Variants in OSBPL3 observed in about 807,000 individuals in gnomAD.
OSBPL3 encodes oxysterol binding protein like 3.
In OSBPL3, 65 loss-of-function variants were observed where a neutral mutation model predicts 120.1. That is an observed-to-expected ratio of 0.54 (90% CI 0.44 to 0.67). The LOEUF is 0.67. Ranked by LOEUF, OSBPL3 falls within the 30% of genes least tolerant of loss-of-function variation. The pLI, the probability that OSBPL3 is intolerant of heterozygous loss-of-function variation, is 0.00. For missense variants in OSBPL3, 1,004 were observed against 1,082.1 expected (o/e 0.93, Z 1.01); for synonymous variants, 416 against 402.6 (o/e 1.03, Z -0.40).
rs535505627 is a variant in OSBPL3, at chr7:24,967,746, C to T, written c.-150+12140G>A. Among the ~76,000 whole-genome samples the T allele has an allele frequency of 5.3e-5, 8 of 152,258 alleles. No individual in the cohort carries two copies. The South Asian group carries it at 6.2e-4, about 12-fold the overall frequency. On this transcript the variant is annotated intron_variant, in intron 1 of 22. Transcript: ENST00000313367. The surrounding 1 kb of genome is among the most constrained non-coding windows in gnomAD (Gnocchi z 5.6). ...CCCCCTTTCTCTCCTGGGACCTGCC[C>T]CAAAGGTTCTATAGGTAAAGGCCCC... is the stretch of plus-strand genomic sequence containing the variant.
At chr7:24,974,326 C>T (rs1452925481) in intron 1 of OSBPL3, among the ~76,000 whole-genome samples, 1 of 152,208 alleles carries the variant, frequency 6.6e-6, no homozygotes, top group East Asian at 1.9e-4. Flanking sequence ...TTCAAAGTTC[C>T]TTGACTCTTT....
chr7:24,870,944 A>T, intron 4 of OSBPL3, 99 bp from the exon 5 acceptor site: 3 of 778,810 alleles, frequency 3.9e-6, no homozygotes, highest in African/African-American at 1.7e-5. Flanking sequence ...GTAAAATCAC[A>T]AACACTGCGA....
At position 24,873,520 on chromosome 7, in the gene OSBPL3, G is replaced by C. The variant is rs1437077421; in HGVS notation, c.97-1451C>G. Among the ~76,000 whole-genome samples the C allele has an allele frequency of 6.6e-6, 1 of 152,060 alleles. No homozygotes were observed. The highest frequency in any genetic ancestry group is 1.5e-5 in the Non-Finnish European group (1 of 68,012). On this transcript the variant is annotated intron_variant, in intron 2 of 22. Transcript: ENST00000313367. The surrounding 1 kb of genome is among the most constrained non-coding windows in gnomAD (Gnocchi z 4.1). ...TATCACAGTGGTATCCCAAGATCTGGAGTTGTGAAAAAGACTTCTTCAATG... is the reference window on the plus strand; with the variant it reads ...TATCACAGTGGTATCCCAAGATCTGCAGTTGTGAAAAAGACTTCTTCAATG...
intron 1 of OSBPL3, among the ~76,000 whole-genome samples, chr7:24,975,581 A>G (rs967054866): frequency 5.9e-5 from 9 of 152,336 alleles, no homozygotes; most frequent in Admixed American, 5.2e-4. Flanking sequence ...TAGTGATGTG[A>G]GGAATAGAAA....
intron 2 of OSBPL3, among the ~76,000 whole-genome samples, chr7:24,885,754 T>C (rs1203400779): frequency 1.3e-5 from 2 of 152,248 alleles, no homozygotes; most frequent in African/African-American, 2.4e-5. Flanking sequence ...AGCTGTCCTG[T>C]CCTTCATAGC....
Position 24,819,444 on chromosome 7 carries a change from A to G in OSBPL3, c.1948+731T>C, listed in dbSNP as rs1794852164. The stretch of plus-strand genomic sequence containing the variant: ...AAAACCATGGTACTTGTCACTTTAA[A>G]CTGGAAATACTGATTGCCTCCAAAG... On this transcript the variant is annotated intron_variant, in intron 17 of 22. Coordinates refer to ENST00000313367, the MANE Select transcript of OSBPL3 (RefSeq NM_015550.4). The surrounding 1 kb of genome is among the most constrained non-coding windows in gnomAD (Gnocchi z 4.1). 6.6e-6 allele frequency among the ~76,000 whole-genome samples: 1 copy of G among 152,118 alleles called. No homozygotes were observed. Among genetic ancestry groups the G allele is most frequent in the African/African-American group, 2.4e-5 (1 of 41,424 alleles).
Position 24,855,047 on chromosome 7 carries a change from C to A in OSBPL3, c.1028-2413G>T, listed in dbSNP as rs757483891. On this transcript the variant is annotated intron_variant, in intron 10 of 22. Transcript: ENST00000313367. The surrounding 1 kb of genome is among the most constrained non-coding windows in gnomAD (Gnocchi z 4.3). Reference sequence around the variant, plus strand: ...CCAGGAAAATGCTTGTAAATAACTGCACACAGGGTAGAAATTCTAGGAATG... The same window carrying A: ...CCAGGAAAATGCTTGTAAATAACTGAACACAGGGTAGAAATTCTAGGAATG... Among the ~76,000 whole-genome samples, 1 of 152,174 alleles carries A rather than the reference C, an allele frequency of 6.6e-6. No homozygotes were observed. Among genetic ancestry groups the A allele is most frequent in the Non-Finnish European group, 1.5e-5 (1 of 68,036 alleles).
intron 1 of OSBPL3, among the ~76,000 whole-genome samples, chr7:24,902,322 T>C (rs1025092200): frequency 2.6e-5 from 4 of 152,224 alleles, no homozygotes; most frequent in African/African-American, 4.8e-5. Context: ...TCTCCACACA[T>C]ATATACCCAC....
In OSBPL3 at chr7:24,867,895, C is replaced by T. The variant is rs1001513956; in HGVS notation, c.382-1658G>A. 1.3e-5 allele frequency among the ~76,000 whole-genome samples: 2 copies of T among 152,052 alleles called. No homozygotes were observed. The highest frequency in any genetic ancestry group is 2.9e-5 in the Non-Finnish European group (2 of 68,020). On this transcript the variant is annotated intron_variant, in intron 5 of 22. Coordinates refer to ENST00000313367, the MANE Select transcript of OSBPL3 (RefSeq NM_015550.4). This position sits in a 1 kb window ranked among gnomAD's most constrained non-coding sequence, Gnocchi z 4.5. ...CATCTCTCCATAAATGAACAATTAT[C>T]GATTTCTAATTTCCATGAAGAATAC...
rs898541532 is a variant in OSBPL3, at chr7:24,937,721, T to C, written c.-150+42165A>G. ...CACCTTAAACCTAACTAATTACTTA[T>C]TACCAAATCATTCTCCAAGCTGGTT... On this transcript the variant is annotated intron_variant, in intron 1 of 22. Coordinates refer to ENST00000313367, the MANE Select transcript of OSBPL3 (RefSeq NM_015550.4). This position sits in a 1 kb window ranked among gnomAD's most constrained non-coding sequence, Gnocchi z 4.0. Among the ~76,000 whole-genome samples, 5 of 152,246 alleles carry C rather than the reference T, an allele frequency of 3.3e-5. No homozygotes were observed. Among genetic ancestry groups the C allele is most frequent in the African/African-American group, 1.2e-4 (5 of 41,470 alleles).
rs1479486966 is a variant in OSBPL3, at chr7:24,867,580, T to G, written c.382-1343A>C. Among the ~76,000 whole-genome samples the G allele has an allele frequency of 1.3e-5, 2 of 152,202 alleles. No individual in the cohort carries two copies. Among genetic ancestry groups the G allele is most frequent in the African/African-American group, 4.8e-5 (2 of 41,450 alleles). Reference sequence around the variant, plus strand: ...TTTCCCTGCACAAACTCTTTCTCTTTGCCTGCCACCATCCACAGATGATGT... The same window carrying G: ...TTTCCCTGCACAAACTCTTTCTCTTGGCCTGCCACCATCCACAGATGATGT... On this transcript the variant is annotated intron_variant, in intron 5 of 22. Coordinates refer to ENST00000313367, the MANE Select transcript of OSBPL3 (RefSeq NM_015550.4). The surrounding 1 kb of genome is among the most constrained non-coding windows in gnomAD (Gnocchi z 4.5).
At chr7:24,839,826 C>T (rs55860363) in intron 14 of OSBPL3, among the ~76,000 whole-genome samples, 13,492 of 151,234 alleles carry the variant, frequency 0.089, 768 homozygotes, top group Non-Finnish European at 0.13. Flanking sequence ...TCGTCTCCAC[C>T]GAAAAATACA....
intron 1 of OSBPL3, among the ~76,000 whole-genome samples, chr7:24,979,636 G>A (rs1378787004): frequency 6.6e-6 from 1 of 152,130 alleles, no homozygotes; most frequent in Non-Finnish European, 1.5e-5. Context: ...TCAATCCTCT[G>A]AGCCGTCCCT....
Position 24,933,882 on chromosome 7 carries a change from A to G in OSBPL3, c.-149-41261T>C, listed in dbSNP as rs1357365993. Among the ~76,000 whole-genome samples the G allele has an allele frequency of 3.3e-5, 5 of 152,260 alleles. No homozygotes were observed. Among genetic ancestry groups the G allele is most frequent in the African/African-American group, 4.8e-5 (2 of 41,474 alleles). On this transcript the variant is annotated intron_variant, in intron 1 of 22. Coordinates refer to ENST00000313367, the MANE Select transcript of OSBPL3 (RefSeq NM_015550.4). This position sits in a 1 kb window ranked among gnomAD's most constrained non-coding sequence, Gnocchi z 5.1. ...ACAAGAGCTATGCCACTTAGCATAA[A>G]TAGAGTAAAACAACAAATACTAAGA...
intron 1 of OSBPL3, among the ~76,000 whole-genome samples, chr7:24,920,872 A>G (rs1810302070): frequency 1.3e-5 from 2 of 152,196 alleles, no homozygotes; most frequent in Admixed American, 6.5e-5. Flanking sequence ...TACACATGGA[A>G]ACACCTGTAC....
intron 12 of OSBPL3, among the ~76,000 whole-genome samples, chr7:24,847,447 G>C (rs552920935): frequency 6.6e-6 from 1 of 152,314 alleles, no homozygotes; most frequent in South Asian, 2.1e-4. Context: ...TGCATTTGAA[G>C]GATGTTATTG....
At position 24,821,662 on chromosome 7, in the gene OSBPL3, GC is replaced by G. The variant is rs1165342167; in HGVS notation, c.1885-1425del. On this transcript the variant is annotated intron_variant, in intron 16 of 22. Transcript: ENST00000313367. This position sits in a 1 kb window ranked among gnomAD's most constrained non-coding sequence, Gnocchi z 5.5. ...AGAGACAAAGACGTAAATCATGTAG[GC>G]ATCTTTCAGATTCCTCAATAAACAC... Among the ~76,000 whole-genome samples, 1 of 152,192 alleles carries G rather than the reference GC, an allele frequency of 6.6e-6. No homozygotes were observed. The highest frequency in any genetic ancestry group is 1.5e-5 in the Non-Finnish European group (1 of 68,036).
intron 1 of OSBPL3, among the ~76,000 whole-genome samples, chr7:24,971,067 T>G (rs1174726281): frequency 6.6e-6 from 1 of 152,222 alleles, no homozygotes; most frequent in Non-Finnish European, 1.5e-5. Context: ...GTCTACCCTG[T>G]CCAGCTCAAA....
rs1449704740 is a variant in OSBPL3, at chr7:24,806,474, AACTT to A, written c.2444+298_2444+301del. ...GAGGGCTCGGGGAGCTGGAGGTTTT[AACTT>A]ACTTACTTTACACTAAGTTCTTTAT... On this transcript the variant is annotated intron_variant, in intron 21 of 22. Transcript: ENST00000313367. The surrounding 1 kb of genome is among the most constrained non-coding windows in gnomAD (Gnocchi z 5.2). Among the ~76,000 whole-genome samples the A allele has an allele frequency of 6.6e-6, 1 of 152,192 alleles. No homozygotes were observed. Among genetic ancestry groups the A allele is most frequent in the African/African-American group, 2.4e-5 (1 of 41,444 alleles).
Sources: gnomAD v4.1 joint callset for allele counts (sites outside exome capture counted in the v4.1 genomes callset) on GRCh38, gnomAD v4.1.1 for gene constraint, Gnocchi (gnomAD v3.1) non-coding constraint, MANE v1.5 for transcripts, NCBI Gene and HGNC (gene_info 2026-07-23, HGNC 2026-07-21) for gene names.